The following MLYCD variants were observed in gnomAD, a reference collection of about 807,000 sequenced individuals.
MLYCD encodes malonyl-CoA decarboxylase.
MLYCD carries 27 observed loss-of-function variants against 35.8 expected under a neutral mutation model. The observed-to-expected ratio is 0.75, with a 90% confidence interval of 0.56 to 1.04. The LOEUF is 1.04. MLYCD is among the 50% of genes least tolerant of loss of function. The pLI is 0.00. For synonymous variants in MLYCD, 403 were observed against 302.4 expected (o/e 1.33, Z -3.45); for missense variants, 917 against 665.1 (o/e 1.38, Z -4.17).
At position 83,915,552 on chromosome 16, in the gene MLYCD, G is replaced by T. The variant is rs1014859259; in HGVS notation, c.*63G>T. The T allele has an allele frequency of 5.0e-6, 8 of 1,584,672 alleles. No homozygotes were observed. Among genetic ancestry groups the T allele is most frequent in the Non-Finnish European group, 6.8e-6 (8 of 1,173,352 alleles). On this transcript the variant is annotated 3_prime_UTR_variant, in exon 5 of 5. Coordinates refer to ENST00000262430, the MANE Select transcript of MLYCD (RefSeq NM_012213.3). ...AAAACGATCATTTTCAGGAGGGGCCGGGAGTTATGTATCTGAAGCAGCTTT... is the reference window on the plus strand; with the variant it reads ...AAAACGATCATTTTCAGGAGGGGCCTGGAGTTATGTATCTGAAGCAGCTTT...
chr16:83,899,267 C>T lies in MLYCD; in HGVS notation c.123C>T (p.Asp41=). The change falls in exon 1 of 5, where the codon GAC becomes GAT. Residue 41 remains aspartate (D), a synonymous_variant. Transcript: ENST00000262430. ...CCGGCGCCCTGGAGCGGGCCATGGACGAGCTGCTGCGCCGCGCGGTGCCGC... is the reference window on the plus strand; with the variant it reads ...CCGGCGCCCTGGAGCGGGCCATGGATGAGCTGCTGCGCCGCGCGGTGCCGC... ...QAAGALERAM[D]ELLRRAVPPT... 1.4e-6 allele frequency: 2 copies of T among 1,451,496 alleles called. No individual in the cohort carries two copies. The highest frequency in any genetic ancestry group is 1.8e-6 in the Non-Finnish European group (2 of 1,106,244). The allele number at this position is 1,451,496 out of a possible 1,614,324, so 89.9% of individuals were successfully genotyped here.
rs545877074 is a variant in MLYCD, at chr16:83,924,352, G to A, written c.*8863G>A. 6.6e-5 allele frequency: 10 copies of A among 152,398 alleles called. No individual in the cohort carries two copies. The highest frequency in any genetic ancestry group is 3.3e-4 in the Admixed American group (5 of 15,290). 9.4% of individuals were successfully genotyped at this position (152,398 alleles called of 1,614,324 possible). Reference sequence around the variant, plus strand: ...GCTGGCGTCACCTCTTCATGTTGACGAGGGGAGATGAGTGGCCCAGGCAGT... The same window carrying A: ...GCTGGCGTCACCTCTTCATGTTGACAAGGGGAGATGAGTGGCCCAGGCAGT... On this transcript the variant is annotated 3_prime_UTR_variant, in exon 5 of 5. Transcript: ENST00000262430.
intron 2 of MLYCD, among the ~76,000 whole-genome samples, chr16:83,907,537 C>A (rs557010805): frequency 1.3e-5 from 2 of 152,308 alleles, no homozygotes; most frequent in African/African-American, 4.8e-5. Flanking sequence ...TTAGTTACAT[C>A]CAGGACCCGT....
chr16:83,900,901 C>T (rs1477438680), intron 1 of MLYCD, among the ~76,000 whole-genome samples: 1 of 152,220 alleles, frequency 6.6e-6, no homozygotes, highest in Non-Finnish European at 1.5e-5. Context: ...GCGAAAAGCT[C>T]TTGCTGATCA....
At chr16:83,900,040 T>C (rs1436887880) in intron 1 of MLYCD, among the ~76,000 whole-genome samples, 2 of 152,232 alleles carry the variant, frequency 1.3e-5, no homozygotes, top group Non-Finnish European at 1.5e-5. Context: ...ATACCTGAAC[T>C]AGAGCATCAG....
At chr16:83,909,602 T>C (rs1907099772) in intron 3 of MLYCD, among the ~76,000 whole-genome samples, 1 of 150,800 alleles carries the variant, frequency 6.6e-6, no homozygotes. Context: ...CACCCTGTGA[T>C]TTAGGTGGTG....
Position 83,922,820 on chromosome 16 carries a change from T to G in MLYCD, c.*7331T>G, listed in dbSNP as rs1009425318. On this transcript the variant is annotated 3_prime_UTR_variant, in exon 5 of 5. Transcript: ENST00000262430. ...AGTCCTTATTTGGATATTTGAATAT[T>G]TGTTGGTTTTCTGGCTTCTCACAAT... The G allele has an allele frequency of 6.6e-6, 1 of 152,266 alleles. No individual in the cohort carries two copies. Among genetic ancestry groups the G allele is most frequent in the Non-Finnish European group, 1.5e-5 (1 of 68,068 alleles). 9.4% of individuals were successfully genotyped at this position (152,266 alleles called of 1,614,324 possible).
At position 83,899,396 on chromosome 16, in the gene MLYCD, G is replaced by A. The variant is rs1317193777; in HGVS notation, c.252G>A (p.Arg84=). The A allele has an allele frequency of 9.8e-6, 15 of 1,528,666 alleles. No individual in the cohort carries two copies. The highest frequency in any genetic ancestry group is 1.3e-5 in the Non-Finnish European group (15 of 1,147,018). 94.7% of individuals were successfully genotyped at this position (1,528,666 alleles called of 1,614,324 possible). ...GTGGGCTGGCCGAGACGGCCCAGCG[G>A]GCCGAACTGCTGGGCCGCCTGGCGC... ...FYGGLAETAQ[R]AELLGRLARG... Residue 84 remains arginine (R), a synonymous_variant, in exon 1 of 5, where the codon CGG becomes CGA. Coordinates refer to ENST00000262430, the MANE Select transcript of MLYCD (RefSeq NM_012213.3).
intron 4 of MLYCD, 139 bp from the exon 5 acceptor site, chr16:83,914,817 A>T: frequency 8.0e-7 from 1 of 1,249,124 alleles, no homozygotes. Context: ...AAGAAGATAA[A>T]CAACATGTAT....
chr16:83,915,055 G>A lies in MLYCD; in HGVS notation c.1048G>A (p.Gly350Arg). 1 of 1,614,238 alleles carries A rather than the reference G, an allele frequency of 6.2e-7. No individual in the cohort carries two copies. The highest frequency in any genetic ancestry group is 8.5e-7 in the Non-Finnish European group (1 of 1,180,046). Residue 350 changes from glycine to arginine, a missense_variant, in exon 5 of 5, where the codon GGG becomes AGG. Physicochemically the swap from Gly to Arg is moderately radical, Grantham distance 125 (BLOSUM62 -2). Transcript: ENST00000262430. ...TCTGAACTCGCAAACGAAGGAGCATGGGAGGAATGAACTCTTTACAGATTC... is the reference window on the plus strand; with the variant it reads ...TCTGAACTCGCAAACGAAGGAGCATAGGAGGAATGAACTCTTTACAGATTC... ...GLLNSQTKEH[G>R]RNELFTDSEC...
chr16:83,908,406 G>A, intron 3 of MLYCD, 124 bp downstream of exon 3: 1 of 1,266,042 alleles, frequency 7.9e-7, no homozygotes, highest in Non-Finnish European at 1.1e-6. Context: ...ATGGTTTTGG[G>A]CTTTTTTAAA....
chr16:83,909,927 G>A (rs1216698633), intron 3 of MLYCD, among the ~76,000 whole-genome samples: 2 of 152,026 alleles, frequency 1.3e-5, no homozygotes, highest in African/African-American at 4.8e-5. Flanking sequence ...GAGCCACCGT[G>A]CCCGGCTGAT....
At position 83,924,237 on chromosome 16, in the gene MLYCD, C is replaced by CGAT. The variant is rs1238657412; in HGVS notation, c.*8750_*8752dup. 2 of 152,122 alleles carry CGAT rather than the reference C, an allele frequency of 1.3e-5. No homozygotes were observed. The highest frequency in any genetic ancestry group is 2.4e-5 in the African/African-American group (1 of 41,376). The allele number at this position is 152,122 out of a possible 1,614,324, so 9.4% of individuals were successfully genotyped here. A position where few individuals can be genotyped will look rare whatever the true frequency, so the allele number is the denominator to read the frequency against. On this transcript the variant is annotated 3_prime_UTR_variant, in exon 5 of 5. Coordinates refer to ENST00000262430, the MANE Select transcript of MLYCD (RefSeq NM_012213.3). ...GACTCAGCCCGGGCCGTGGTGGGAA[C>CGAT]GATGGTTGGCCCGGTTTGGAGATGG...
rs1168022977 is a variant in MLYCD at position 83,916,979 on chromosome 16, C to A, written c.*1490C>A. 1 of 132,562 alleles carries A rather than the reference C, an allele frequency of 7.5e-6. No homozygotes were observed. Among genetic ancestry groups the A allele is most frequent in the African/African-American group, 3.0e-5 (1 of 33,872 alleles). The allele number at this position is 132,562 out of a possible 1,614,324, so 8.2% of individuals were successfully genotyped here. On this transcript the variant is annotated 3_prime_UTR_variant, in exon 5 of 5. Transcript: ENST00000262430. ...CACGAGCGTTCTATGTGGATCAGTGCACGCCTGTGTGCGTGTGCACGAGCG... is the reference window on the plus strand; with the variant it reads ...CACGAGCGTTCTATGTGGATCAGTGAACGCCTGTGTGCGTGTGCACGAGCG...
In MLYCD at chr16:83,917,040, A is replaced by C. The variant is rs12935170; in HGVS notation, c.*1551A>C. 1 of 112,218 alleles carries C rather than the reference A, an allele frequency of 8.9e-6. No individual in the cohort carries two copies. The highest frequency in any genetic ancestry group is 9.5e-5 in the Admixed American group (1 of 10,572). 7.0% of individuals were successfully genotyped at this position (112,218 alleles called of 1,614,324 possible). A position where few individuals can be genotyped will look rare whatever the true frequency, so the allele number is the denominator to read the frequency against. ...TCAGTGCACGTCTGTGTGCGTGTGCACAAGCGTCTCTGTGTGGATCAGTGC... is the reference window on the plus strand; with the variant it reads ...TCAGTGCACGTCTGTGTGCGTGTGCCCAAGCGTCTCTGTGTGGATCAGTGC... On this transcript the variant is annotated 3_prime_UTR_variant, in exon 5 of 5. Coordinates refer to ENST00000262430, the MANE Select transcript of MLYCD (RefSeq NM_012213.3).
In MLYCD at chr16:83,915,628, TG is replaced by T. The variant is rs1251385323; in HGVS notation, c.*140del. The T allele has an allele frequency of 6.6e-7, 1 of 1,523,668 alleles. No homozygotes were observed. The highest frequency in any genetic ancestry group is 8.8e-7 in the Non-Finnish European group (1 of 1,140,290). The allele number at this position is 1,523,668 out of a possible 1,614,324, so 94.4% of individuals were successfully genotyped here. A position where few individuals can be genotyped will look rare whatever the true frequency, so the allele number is the denominator to read the frequency against. On this transcript the variant is annotated 3_prime_UTR_variant, in exon 5 of 5. Transcript: ENST00000262430. ...TTCTTGTCCCGCAGCCGGTCCACAC[TG>T]TGAGGCCAGGCCTCAACTTCCCTCA... is the stretch of plus-strand genomic sequence containing the variant.
In MLYCD at chr16:83,919,601, C is replaced by T. The variant is rs1384951288; in HGVS notation, c.*4112C>T. The T allele has an allele frequency of 6.6e-6, 1 of 151,010 alleles. No individual in the cohort carries two copies. The highest frequency in any genetic ancestry group is 6.6e-5 in the Admixed American group (1 of 15,092). 9.4% of individuals were successfully genotyped at this position (151,010 alleles called of 1,614,324 possible). A position where few individuals can be genotyped will look rare whatever the true frequency, so the allele number is the denominator to read the frequency against. On this transcript the variant is annotated 3_prime_UTR_variant, in exon 5 of 5. Coordinates refer to ENST00000262430, the MANE Select transcript of MLYCD (RefSeq NM_012213.3). ...AGAACACACAGTGCACAGGAGAACA[C>T]ACAGTGCACAGAACACACGGGGCAC...
intron 1 of MLYCD, among the ~76,000 whole-genome samples, chr16:83,904,912 C>T (rs535379923): frequency 6.6e-6 from 1 of 152,298 alleles, no homozygotes; most frequent in African/African-American, 2.4e-5. Context: ...AGATTTCCTT[C>T]CCCGGCCCCC....
intron 3 of MLYCD, among the ~76,000 whole-genome samples, chr16:83,910,987 C>CT (rs1907157766): frequency 6.6e-6 from 1 of 151,662 alleles, no homozygotes; most frequent in African/African-American, 2.4e-5. Flanking sequence ...TTCTTTTTTT[C>CT]TTTTTTTTGA....
Sources: allele counts gnomAD v4.1 joint callset (sites outside exome capture counted in the v4.1 genomes callset), GRCh38; gene constraint gnomAD v4.1.1; transcripts MANE v1.5; gene names NCBI Gene and HGNC (gene_info 2026-07-23, HGNC 2026-07-21).